Variants in PLXNB2 observed in about 807,000 individuals in gnomAD.
PLXNB2 encodes the protein plexin-B2.
Under a neutral mutation model 202.6 loss-of-function variants are expected in PLXNB2, and 85 were observed. The observed-to-expected ratio is 0.42, with a 90% CI of 0.35 to 0.50. The LOEUF (loss-of-function observed/expected upper bound fraction) is 0.50. Among genes scored for constraint, PLXNB2 ranks in the 20% least tolerant of loss-of-function variants. The pLI, the probability that PLXNB2 is intolerant of heterozygous loss-of-function variation, is 0.02. For synonymous variants in PLXNB2, 1,239 were observed against 1,137.6 expected (o/e 1.09, Z -1.79); for missense variants, 2,063 against 2,586.2 (o/e 0.80, Z 4.39).
rs1481280921 is a variant in PLXNB2 at position 50,282,031 on chromosome 22, C to G, written c.3168G>C (p.Leu1056=). 1.9e-6 allele frequency: 3 copies of G among 1,612,992 alleles called. No homozygotes were observed. The highest frequency in any genetic ancestry group is 2.5e-6 in the Non-Finnish European group (3 of 1,180,010). Residue 1056 remains leucine (L), a synonymous_variant, in exon 20 of 37, where the codon CTG becomes CTC. Transcript: ENST00000359337. Reference sequence around the variant, plus strand: ...CTGGCTCCTCAGGCACAGCCGGGGACAGGAAGACGACCTTGGTGTCATTGT... The same window carrying G: ...CTGGCTCCTCAGGCACAGCCGGGGAGAGGAAGACGACCTTGGTGTCATTGT... ...VFHNDTKVVF[L]SPAVPEEPEA...
rs866197052 is a variant in PLXNB2, at chr22:50,287,353, G to A, written c.1609-89C>T. ...ACCCGACCTCCCTGCGTGTGTGGGC[G>A]CACGTCCCAGTGGAGCCTCCAGAAC... On this transcript the variant is annotated intron_variant, in intron 7 of 36. Coordinates refer to ENST00000359337, the MANE Select transcript of PLXNB2 (RefSeq NM_012401.4). 43 of 1,365,382 alleles carry A rather than the reference G, an allele frequency of 3.1e-5. No homozygotes were observed. The African/African-American group carries it at 4.7e-4, about 15-fold the overall frequency. 84.6% of individuals were successfully genotyped at this position (1,365,382 alleles called of 1,614,324 possible). A position where few individuals can be genotyped will look rare whatever the true frequency, so the allele number is the denominator to read the frequency against.
intron 25 of PLXNB2, 77 bp downstream of exon 25, chr22:50,280,412 G>A: frequency 1.4e-6 from 2 of 1,405,020 alleles, no homozygotes; most frequent in East Asian, 2.4e-5. Context: ...ACAGGCCGCT[G>A]TGCCACCCGC....
At chr22:50,286,820 T>C (rs929234619) in intron 8 of PLXNB2, among the ~76,000 whole-genome samples, 1 of 152,104 alleles carries the variant, frequency 6.6e-6, no homozygotes, top group African/African-American at 2.4e-5. Flanking sequence ...CGACGGGGCC[T>C]GGCGCCTGGC....
chr22:50,305,426 G>A (rs2067850199), intron 1 of PLXNB2, among the ~76,000 whole-genome samples: 2 of 152,166 alleles, frequency 1.3e-5, no homozygotes, highest in Admixed American at 1.3e-4. Context: ...GACCCAGAGC[G>A]CCAGGTAGCC....
chr22:50,291,411 T>G lies in PLXNB2; in HGVS notation c.-13-814A>C, dbSNP rs1414826905. 6.6e-6 allele frequency among the ~76,000 whole-genome samples: 1 copy of G among 151,578 alleles called. No homozygotes were observed. The highest frequency in any genetic ancestry group is 6.6e-5 in the Admixed American group (1 of 15,236). ...TGGACAGGCTGTGTCCACATGCGTG[T>G]GTGTAACTGAGCACGTCTCGGTGTG... is the stretch of plus-strand genomic sequence containing the variant. On this transcript the variant is annotated intron_variant, in intron 2 of 36. Transcript: ENST00000359337. The surrounding 1 kb of genome is among the most constrained non-coding windows in gnomAD (Gnocchi z 4.3).
chr22:50,292,746 G>T (rs146673224), intron 2 of PLXNB2, among the ~76,000 whole-genome samples: 34 of 152,268 alleles, frequency 2.2e-4, no homozygotes, highest in African/African-American at 7.9e-4. Context: ...GCAACCCCCC[G>T]TTCTGATTGC....
chr22:50,287,529 C>T (rs2066546881), intron 7 of PLXNB2, 138 bp downstream of exon 7: 1 of 987,244 alleles, frequency 1.0e-6, no homozygotes, highest in Non-Finnish European at 1.5e-6. Flanking sequence ...GGGCTCCATC[C>T]CTAAGGCTCG....
chr22:50,275,413 C>A lies in PLXNB2; in HGVS notation c.*291G>T, dbSNP rs771876660. ...AGGCCAGCTGCCCCCAGCGTGGCAGCGTAAGGCACATTTTCAAATCACTGG... is the reference window on the plus strand; with the variant it reads ...AGGCCAGCTGCCCCCAGCGTGGCAGAGTAAGGCACATTTTCAAATCACTGG... On this transcript the variant is annotated 3_prime_UTR_variant, in exon 37 of 37. Transcript: ENST00000359337. The A allele has an allele frequency of 1.3e-5, 7 of 524,548 alleles. No individual in the cohort carries two copies. Among genetic ancestry groups the A allele is most frequent in the African/African-American group, 1.1e-4 (6 of 52,542 alleles). The allele number at this position is 524,548 out of a possible 1,614,324, so 32.5% of individuals were successfully genotyped here.
At chr22:50,281,333 G>A in intron 22 of PLXNB2, 27 bp downstream of exon 22, 1 of 1,609,950 alleles carries the variant, frequency 6.2e-7, no homozygotes, top group Non-Finnish European at 8.5e-7. Context: ...GGCTCAGGGT[G>A]TTGGCACAGC....
rs1242732256 is a variant in PLXNB2 at position 50,289,660 on chromosome 22, C to A, written c.925G>T (p.Ala309Ser). Residue 309 changes from alanine (A) to serine (S), a missense_variant, in exon 3 of 37, where the codon GCG becomes TCG. Physicochemically the swap from Ala to Ser is moderately conservative, Grantham distance 99. Transcript: ENST00000359337. This position sits in a 1 kb window ranked among gnomAD's most constrained non-coding sequence, Gnocchi z 8.0. ...RDSRSSGGPG[A>S]GLCLFPLDKV... ...TCCAGCGGGAACAGGCAGAGGCCCG[C>A]ACCGGGCCCCCCACTGCTCCGGCTG... 12 of 1,609,558 alleles carry A rather than the reference C, an allele frequency of 7.5e-6. No homozygotes were observed. The African/African-American group carries it at 1.3e-4, about 18-fold the overall frequency.
Position 50,293,343 on chromosome 22 carries a change from G to T in PLXNB2, c.-14+1376C>A, listed in dbSNP as rs533039710. Among the ~76,000 whole-genome samples the T allele has an allele frequency of 2.0e-5, 3 of 152,260 alleles. No individual in the cohort carries two copies. The South Asian group carries it at 6.2e-4, about 32-fold the overall frequency. ...TACCAGGGAGGAGCAGCGCCTGCCC[G>T]AAGGCTCCCCAACCCCCGCCGCGCC... On this transcript the variant is annotated intron_variant, in intron 2 of 36. Transcript: ENST00000359337.
In PLXNB2 at chr22:50,277,619, C is replaced by T; in HGVS notation, c.5168G>A (p.Cys1723Tyr). Reference protein sequence around the residue: ...SVIAQTFMDACTRTEHKLSRD... With the variant: ...SVIAQTFMDAYTRTEHKLSRD... ...GCTCAGCTTATGCTCCGTGCGCGTG[C>T]AGGCATCCATGAAGGTCTGCGCGAT... The change falls in exon 33 of 37, where the codon TGC becomes TAC. Residue 1723 changes from cysteine to tyrosine, a missense_variant. Cys to Tyr is a radical substitution (Grantham distance 194). This residue lies in a region of PLXNB2 where 760 missense variants were observed against 1,109.4 expected (regional missense o/e 0.69). Coordinates refer to ENST00000359337, the MANE Select transcript of PLXNB2 (RefSeq NM_012401.4). 4 of 1,598,256 alleles carry T rather than the reference C, an allele frequency of 2.5e-6. No homozygotes were observed. The highest frequency in any genetic ancestry group is 3.4e-6 in the Non-Finnish European group (4 of 1,170,282).
chr22:50,289,892 G>C lies in PLXNB2; in HGVS notation c.693C>G (p.Val231=). The part of the protein sequence containing the change: ...AFEDGPYVFF[V]FNQQDKHPAR... ...CCGGGTGCTTGTCCTGCTGGTTGAAGACAAAGAAGACGTAGGGGCCGTCCT... is the reference window on the plus strand; with the variant it reads ...CCGGGTGCTTGTCCTGCTGGTTGAACACAAAGAAGACGTAGGGGCCGTCCT... Residue 231 remains valine (V), a synonymous_variant, in exon 3 of 37, where the codon GTC becomes GTG. Transcript: ENST00000359337. The surrounding 1 kb of genome is among the most constrained non-coding windows in gnomAD (Gnocchi z 8.0). 6.2e-7 allele frequency: 1 copy of C among 1,613,252 alleles called. No individual in the cohort carries two copies. Among genetic ancestry groups the C allele is most frequent in the Non-Finnish European group, 8.5e-7 (1 of 1,180,042 alleles).
chr22:50,282,820 G>A lies in PLXNB2; in HGVS notation c.2878C>T (p.Leu960Phe), dbSNP rs1281407079. The change falls in exon 18 of 37, where the codon CTT (leucine) becomes TTT (phenylalanine). Residue 960 changes from leucine (L) to phenylalanine (F), a missense_variant. Leu to Phe is a conservative substitution (Grantham distance 22). This residue lies in a region of PLXNB2 where 1,303 missense variants were observed against 1,476.8 expected (regional missense o/e 0.88). Transcript: ENST00000359337. Reference protein sequence around the residue: ...TGPQATRGQMLLEVSYGGSPV... With the variant: ...TGPQATRGQMFLEVSYGGSPV... ...GACCCCCCGTAGGAGACCTCCAGAA[G>A]CATCTGGCCCCGTGTCGCCTGGGGG... The A allele has an allele frequency of 6.2e-7, 1 of 1,613,118 alleles. No homozygotes were observed. The highest frequency in any genetic ancestry group is 1.7e-5 in the Admixed American group (1 of 60,014).
rs1289424159 is a variant in PLXNB2, at chr22:50,281,052, G to A, written c.3763+37C>T. 3 of 1,604,062 alleles carry A rather than the reference G, an allele frequency of 1.9e-6. No individual in the cohort carries two copies. In the South Asian group the frequency reaches 3.3e-5, roughly 18 times the overall value. ...CGCTACACACAGCATCCCCGCCCCA[G>A]GAGGCGCCCCAGCACCAGCCCCCAA... is the stretch of plus-strand genomic sequence containing the variant. On this transcript the variant is annotated intron_variant, in intron 23 of 36. Coordinates refer to ENST00000359337, the MANE Select transcript of PLXNB2 (RefSeq NM_012401.4).
chr22:50,282,752 G>C lies in PLXNB2; in HGVS notation c.2946C>G (p.Asn982Lys). 1 of 1,570,592 alleles carries C rather than the reference G, an allele frequency of 6.4e-7. No individual in the cohort carries two copies. Among genetic ancestry groups the C allele is most frequent in the Non-Finnish European group, 8.6e-7 (1 of 1,164,590 alleles). The change falls in exon 18 of 37, where the codon AAC becomes AAG. Residue 982 changes from asparagine to lysine, a missense_variant. Around this residue, in one of 2 missense-constraint regions of PLXNB2, gnomAD observed 1,303 missense variants for 1,476.8 expected, o/e 0.88. Transcript: ENST00000359337. The stretch of plus-strand genomic sequence containing the variant: ...GCGGCTCGAAGGCTCGCAGTACGGG[G>C]TTTTCGCGGTAGGTGAAGAAGATGC... ...NPGIFFTYRENPVLRAFEPLR... is the reference protein window; with the variant it reads ...NPGIFFTYREKPVLRAFEPLR...
chr22:50,286,953 A>G (rs1601717050), intron 8 of PLXNB2, among the ~76,000 whole-genome samples, 158 bp downstream of exon 8: 1 of 151,600 alleles, frequency 6.6e-6, no homozygotes, highest in African/African-American at 2.4e-5. Flanking sequence ...AGGCACAGCA[A>G]CCCCACCACA....
At chr22:50,277,779 G>T in intron 32 of PLXNB2, 41 bp from the exon 33 acceptor site, 1 of 1,596,984 alleles carries the variant, frequency 6.3e-7, no homozygotes, top group Non-Finnish European at 8.6e-7. Context: ...GGGCTGGGCC[G>T]CGGGGTGGGT....
In PLXNB2 at chr22:50,280,938, C is replaced by A. The variant is rs375409236; in HGVS notation, c.3799G>T (p.Val1267Leu). 1.9e-6 allele frequency: 3 copies of A among 1,613,324 alleles called. No homozygotes were observed. The highest frequency in any genetic ancestry group is 2.5e-6 in the Non-Finnish European group (3 of 1,179,950). ...MIEMEDQTND[V>L]HEAGIPVLDY... Reference sequence around the variant, plus strand: ...AGCACGGGGATGCCGGCCTCGTGCACGTCGTTGGTCTGGTCCTCCATCTCG... The same window carrying A: ...AGCACGGGGATGCCGGCCTCGTGCAAGTCGTTGGTCTGGTCCTCCATCTCG... The change falls in exon 24 of 37, where the codon GTG (valine) becomes TTG (leucine). Residue 1267 changes from valine to leucine, a missense_variant. This residue lies in a region of PLXNB2 where 760 missense variants were observed against 1,109.4 expected (regional missense o/e 0.69). Coordinates refer to ENST00000359337, the MANE Select transcript of PLXNB2 (RefSeq NM_012401.4).
Sources: gnomAD v4.1 joint callset for allele counts (sites outside exome capture counted in the v4.1 genomes callset) on GRCh38, gnomAD v4.1.1 for gene constraint, gnomAD v4.1.1 regional missense constraint, Gnocchi (gnomAD v3.1) non-coding constraint, MANE v1.5 for transcripts, NCBI Gene and HGNC (gene_info 2026-07-23, HGNC 2026-07-21) for gene names.